The following SPIRE1 variants were observed in gnomAD, a reference collection of about 807,000 sequenced individuals.
The protein encoded by SPIRE1 is spire type actin nucleation factor 1, also known as protein spire homolog 1.
A neutral mutation model predicts 94.1 loss-of-function variants in SPIRE1; 40 were observed. The observed-to-expected ratio is 0.43, with a 90% CI of 0.33 to 0.55. The LOEUF (loss-of-function observed/expected upper bound fraction) is 0.55, where lower values mean the gene tolerates loss of function less well. Among genes scored for constraint, SPIRE1 ranks in the 20% least tolerant of loss-of-function variants. SPIRE1 has a pLI of 0.06. For missense variants in SPIRE1, 838 were observed against 975.2 expected, an observed-to-expected ratio of 0.86 and a Z score of 1.87; for synonymous variants, 376 against 371.7, an observed-to-expected ratio of 1.01 and a Z score of -0.13.
At chr18:12,505,531 T>A (rs1310728134) in intron 6 of SPIRE1, among the ~76,000 whole-genome samples, 1 of 145,908 alleles carries the variant, frequency 6.9e-6, no homozygotes, top group African/African-American at 2.5e-5. Context: ...TTAGCCTGGG[T>A]GACAGAGCAA....
intron 5 of SPIRE1, among the ~76,000 whole-genome samples, chr18:12,508,721 T>C (rs1472709708): frequency 6.6e-6 from 1 of 151,878 alleles, no homozygotes; most frequent in Non-Finnish European, 1.5e-5. Flanking sequence ...TCGCCCCATG[T>C]TGGAGTGCAA....
At chr18:12,463,597 T>C in intron 11 of SPIRE1, 104 bp from the exon 12 acceptor site, 1 of 928,568 alleles carries the variant, frequency 1.1e-6, no homozygotes, top group Non-Finnish European at 1.6e-6. Context: ...ATTATTTATT[T>C]CATTGGAGAG....
At chr18:12,508,675 GT>G (rs1214659836) in intron 5 of SPIRE1, among the ~76,000 whole-genome samples, 255 of 139,710 alleles carry the variant, frequency 1.8e-3, no homozygotes, top group South Asian at 6.2e-3. Context: ...AACACACTTG[GT>G]TTTTTTTTTT....
chr18:12,502,567 G>C (rs2033700155), intron 6 of SPIRE1, among the ~76,000 whole-genome samples: 3 of 152,066 alleles, frequency 2.0e-5, no homozygotes, highest in Admixed American at 1.3e-4. Context: ...AACCCTTCTG[G>C]AGAGAACTCT....
chr18:12,610,152 G>A lies in SPIRE1; in HGVS notation c.372+24910C>T, dbSNP rs151013056. Among the ~76,000 whole-genome samples the A allele has an allele frequency of 1.5e-4, 23 of 151,342 alleles. No homozygotes were observed. The East Asian group carries it at 4.1e-3, about 27-fold the overall frequency. The stretch of plus-strand genomic sequence containing the variant: ...CCATCTGTTGCTCCCCAAGTTACCC[G>A]TTCTCCTGTCTCAAGAATTCTAGTT... On this transcript the variant is annotated intron_variant, in intron 2 of 16. Coordinates refer to ENST00000409402, the MANE Select transcript of SPIRE1 (RefSeq NM_001128626.2).
intron 4 of SPIRE1, among the ~76,000 whole-genome samples, chr18:12,529,388 G>C (rs1280284190): frequency 6.6e-6 from 1 of 150,896 alleles, no homozygotes; most frequent in Admixed American, 6.6e-5. Flanking sequence ...AAAAAGGGCA[G>C]TATGTGCTGA....
At chr18:12,625,137 A>T (rs1339916262) in intron 2 of SPIRE1, among the ~76,000 whole-genome samples, 1 of 152,178 alleles carries the variant, frequency 6.6e-6, no homozygotes, top group Non-Finnish European at 1.5e-5. Flanking sequence ...GATACATGAA[A>T]TCTAAGTGGA....
intron 12 of SPIRE1, among the ~76,000 whole-genome samples, chr18:12,462,178 T>C (rs183855999): frequency 4.6e-5 from 7 of 152,290 alleles, no homozygotes; most frequent in Admixed American, 2.0e-4. Flanking sequence ...ATTGCACTGT[T>C]TTGGCATAGA....
At chr18:12,495,408 A>T (rs1181665369) in intron 7 of SPIRE1, among the ~76,000 whole-genome samples, 1 of 152,298 alleles carries the variant, frequency 6.6e-6, no homozygotes, top group South Asian at 2.1e-4. Flanking sequence ...TTAATCAAGG[A>T]GGGGTAGGTT....
intron 2 of SPIRE1, among the ~76,000 whole-genome samples, chr18:12,591,461 A>T (rs979841865): frequency 6.6e-6 from 1 of 152,192 alleles, no homozygotes; most frequent in Non-Finnish European, 1.5e-5. Flanking sequence ...AGGTTAGTAG[A>T]GGAGTGACAC....
chr18:12,648,718 C>T (rs1404464037), intron 1 of SPIRE1, among the ~76,000 whole-genome samples: 5 of 151,716 alleles, frequency 3.3e-5, no homozygotes, highest in South Asian at 2.1e-4. Context: ...GGAGAAACTC[C>T]GTCTCTACTA....
chr18:12,554,400 A>G (rs1488393557), intron 2 of SPIRE1, among the ~76,000 whole-genome samples: 1 of 152,180 alleles, frequency 6.6e-6, no homozygotes, highest in Non-Finnish European at 1.5e-5. Flanking sequence ...CTCAGATGAA[A>G]TGGATAAATT....
chr18:12,549,133 A>G (rs2035261799), intron 2 of SPIRE1, among the ~76,000 whole-genome samples: 1 of 152,172 alleles, frequency 6.6e-6, no homozygotes, highest in East Asian at 1.9e-4. Flanking sequence ...TAGGGCAAGG[A>G]TTTTAACTTT....
At chr18:12,624,774 G>C (rs1317120530) in intron 2 of SPIRE1, among the ~76,000 whole-genome samples, 8 of 150,256 alleles carry the variant, frequency 5.3e-5, no homozygotes, top group Non-Finnish European at 7.4e-5. Flanking sequence ...AGAGGTTGCA[G>C]TGAGCCGAGA....
At chr18:12,455,023 CT>C (rs2031445304) in intron 12 of SPIRE1, among the ~76,000 whole-genome samples, 1 of 151,998 alleles carries the variant, frequency 6.6e-6, no homozygotes, top group African/African-American at 2.4e-5. Context: ...GCAGCCTTGA[CT>C]TCCTGGGCTC....
rs114967538 is a variant in SPIRE1, at chr18:12,491,571, A to G, written c.1189+1501T>C. On this transcript the variant is annotated intron_variant, in intron 8 of 16. Transcript: ENST00000409402. ...GAGTGGAGTGGTGCAATCACAGCTC[A>G]CTACAGCCTTGATCTCCTGGGCTCA... 4.9e-3 allele frequency among the ~76,000 whole-genome samples: 748 copies of G among 152,020 alleles called. 8 individuals are homozygous for G. Among genetic ancestry groups the G allele is most frequent in the African/African-American group, 0.017 (705 of 41,444 alleles).
At chr18:12,471,045 T>C (rs1034858062) in intron 10 of SPIRE1, among the ~76,000 whole-genome samples, 2 of 151,538 alleles carry the variant, frequency 1.3e-5, no homozygotes, top group Admixed American at 6.6e-5. Context: ...CACAGCTCCT[T>C]TGCTTAGCTT....
chr18:12,519,340 A>C (rs2034292272), intron 4 of SPIRE1, among the ~76,000 whole-genome samples: 1 of 152,068 alleles, frequency 6.6e-6, no homozygotes, highest in African/African-American at 2.4e-5. Flanking sequence ...CTATACACAC[A>C]TGTGCACACA....
At chr18:12,518,126 T>C (rs1246109873) in intron 4 of SPIRE1, among the ~76,000 whole-genome samples, 1 of 152,118 alleles carries the variant, frequency 6.6e-6, no homozygotes, top group Non-Finnish European at 1.5e-5. Context: ...TCCTTTCACC[T>C]CAGCCTCCTG....
Sources: allele counts gnomAD v4.1 joint callset (sites outside exome capture counted in the v4.1 genomes callset), GRCh38; gene constraint gnomAD v4.1.1; transcripts MANE v1.5; gene names NCBI Gene and HGNC (gene_info 2026-07-23, HGNC 2026-07-21).